Variants in DLG2 observed in about 807,000 individuals in gnomAD.
DLG2 encodes disks large homolog 2.
In DLG2, 45 loss-of-function variants were observed where a neutral mutation model predicts 132.5. That is an observed-to-expected ratio of 0.34 (90% CI 0.27 to 0.44). DLG2 has a LOEUF of 0.44. DLG2 is among the 20% of genes least tolerant of loss of function. DLG2 has a pLI of 1.00. For missense variants in DLG2, 1,045 were observed against 1,196.9 expected (o/e 0.87, Z 1.87); for synonymous variants, 424 against 419.6 (o/e 1.01, Z -0.13).
intron 6 of DLG2, among the ~76,000 whole-genome samples, chr11:84,851,630 A>C (rs1356155568): frequency 6.6e-6 from 1 of 151,982 alleles, no homozygotes; most frequent in Non-Finnish European, 1.5e-5. Context: ...CATAAAACCA[A>C]CTTTTTGGGG....
intron 18 of DLG2, among the ~76,000 whole-genome samples, chr11:83,711,580 A>G (rs1486554436): frequency 2.0e-5 from 3 of 152,174 alleles, no homozygotes; most frequent in Non-Finnish European, 4.4e-5. Context: ...ACTAATATCT[A>G]TGTGTGACCA....
intron 7 of DLG2, among the ~76,000 whole-genome samples, chr11:84,478,736 A>G (rs1285810127): frequency 1.3e-5 from 2 of 152,126 alleles, no homozygotes; most frequent in East Asian, 3.9e-4. Flanking sequence ...ACACAGTTAT[A>G]TAACTATGTA....
intron 6 of DLG2, among the ~76,000 whole-genome samples, chr11:85,079,679 T>C (rs1007206095): frequency 6.6e-6 from 1 of 152,092 alleles, no homozygotes; most frequent in Non-Finnish European, 1.5e-5. Flanking sequence ...TATAGCTAAT[T>C]TAAGTGTTCA....
At chr11:84,572,265 T>C (rs2099487135) in intron 6 of DLG2, among the ~76,000 whole-genome samples, 2 of 152,264 alleles carry the variant, frequency 1.3e-5, no homozygotes, top group Middle Eastern at 3.4e-3. Flanking sequence ...TTCTTTATAG[T>C]ACTTTCTATT....
intron 6 of DLG2, among the ~76,000 whole-genome samples, chr11:84,592,668 G>C (rs1457287635): frequency 6.6e-6 from 1 of 151,896 alleles, no homozygotes; most frequent in Non-Finnish European, 1.5e-5. Flanking sequence ...TATATGAACA[G>C]ACACTTCTTG....
At chr11:83,466,914 G>T in intron 25 of DLG2, 97 bp from the exon 26 acceptor site, 1 of 766,220 alleles carries the variant, frequency 1.3e-6, no homozygotes, top group East Asian at 2.6e-5. Flanking sequence ...GAGGAAGGTA[G>T]GGGATGCTGG....
chr11:83,927,090 G>A (rs556063201), intron 15 of DLG2, among the ~76,000 whole-genome samples: 5 of 152,274 alleles, frequency 3.3e-5, no homozygotes, highest in African/African-American at 1.2e-4. Context: ...TACCTACTAA[G>A]AACTAGGTAA....
At chr11:85,189,800 T>C (rs2080394896) in intron 4 of DLG2, among the ~76,000 whole-genome samples, 1 of 151,706 alleles carries the variant, frequency 6.6e-6, no homozygotes, top group Admixed American at 6.6e-5. Flanking sequence ...ACAATGAATG[T>C]ATTTTTTTTT....
At chr11:84,742,512 A>G (rs536879063) in intron 6 of DLG2, among the ~76,000 whole-genome samples, 2 of 152,328 alleles carry the variant, frequency 1.3e-5, no homozygotes, top group African/African-American at 4.8e-5. Context: ...GCAATTTTAT[A>G]TTCAACAACC....
chr11:83,920,442 C>T (rs2077656735), intron 15 of DLG2, among the ~76,000 whole-genome samples: 1 of 152,104 alleles, frequency 6.6e-6, no homozygotes, highest in African/African-American at 2.4e-5. Context: ...GGCAGGCTTG[C>T]ACAGCCCTTC....
At chr11:83,815,377 G>C (rs2048568545) in intron 17 of DLG2, 1 of 152,570 alleles carries the variant, frequency 6.6e-6, no homozygotes, top group Non-Finnish European at 1.5e-5. Flanking sequence ...TTATAATGGA[G>C]ACCTTACTGT....
At chr11:85,140,112 G>A (rs1009668245) in intron 5 of DLG2, among the ~76,000 whole-genome samples, 3 of 151,906 alleles carry the variant, frequency 2.0e-5, no homozygotes, top group Non-Finnish European at 2.9e-5. Context: ...GAATAATACC[G>A]CAAAGGTCAT....
intron 18 of DLG2, among the ~76,000 whole-genome samples, chr11:83,762,113 G>C (rs567772421): frequency 6.6e-6 from 1 of 152,286 alleles, no homozygotes; most frequent in East Asian, 1.9e-4. Flanking sequence ...AGCCAAATAT[G>C]ATTTGGTTTC....
At chr11:84,594,406 T>A (rs780216159) in intron 6 of DLG2, among the ~76,000 whole-genome samples, 21 of 152,212 alleles carry the variant, frequency 1.4e-4, no homozygotes, top group Non-Finnish European at 2.5e-4. Flanking sequence ...TAGAGGTGAC[T>A]ATTCCATTTG....
rs59301159 is a variant in DLG2, at chr11:84,784,143, C to CAAAAAAAAAAAA, written c.358-249424_358-249413dup. Among the ~76,000 whole-genome samples the CAAAAAAAAAAAA allele has an allele frequency of 1.3e-3, 11 of 8,654 alleles. 3 individuals are homozygous for CAAAAAAAAAAAA. Among genetic ancestry groups the CAAAAAAAAAAAA allele is most frequent in the Admixed American group, 7.5e-3 (3 of 402 alleles). The allele number at this position is 8,654 out of a possible 152,430, so 5.7% of individuals were successfully genotyped here. A position where few individuals can be genotyped will look rare whatever the true frequency, so the allele number is the denominator to read the frequency against. ...TGAAACCCCATCTCTACTAAAAATG[C>CAAAAAAAAAAAA]AAAAAAAAAAAAAAAAAAAAAAAAA... On this transcript the variant is annotated intron_variant, in intron 6 of 27. Transcript: ENST00000376104.
intron 6 of DLG2, among the ~76,000 whole-genome samples, chr11:84,880,621 A>G (rs2087163143): frequency 6.6e-6 from 1 of 152,174 alleles, no homozygotes; most frequent in Non-Finnish European, 1.5e-5. Flanking sequence ...AATATACCCT[A>G]TCTCCCATGT....
chr11:85,042,996 T>C (rs1320675509), intron 6 of DLG2, among the ~76,000 whole-genome samples: 1 of 151,896 alleles, frequency 6.6e-6, no homozygotes, highest in East Asian at 1.9e-4. Flanking sequence ...TTTGAACCAT[T>C]TCAGGCATAT....
At chr11:85,055,429 T>C (rs2063351841) in intron 6 of DLG2, among the ~76,000 whole-genome samples, 1 of 152,162 alleles carries the variant, frequency 6.6e-6, no homozygotes, top group Non-Finnish European at 1.5e-5. Flanking sequence ...AGAAAATTCA[T>C]GAGGAAAGGT....
intron 4 of DLG2, among the ~76,000 whole-genome samples, chr11:85,254,720 G>C (rs1045872704): frequency 2.0e-5 from 3 of 152,140 alleles, no homozygotes; most frequent in African/African-American, 7.2e-5. Flanking sequence ...TAAGAATTAG[G>C]CTGGGCGTGG....
Sources: allele counts gnomAD v4.1 joint callset (sites outside exome capture counted in the v4.1 genomes callset), GRCh38; gene constraint gnomAD v4.1.1; transcripts MANE v1.5; gene names NCBI Gene and HGNC (gene_info 2026-07-23, HGNC 2026-07-21).